UBE4B: variants seen among roughly 807,000 people sequenced by gnomAD.
UBE4B encodes the protein ubiquitin conjugation factor E4 B.
UBE4B carries 27 observed loss-of-function variants against 148.1 expected under a neutral mutation model. The observed-to-expected ratio is 0.18, with a 90% CI of 0.13 to 0.25. The LOEUF (loss-of-function observed/expected upper bound fraction) is 0.25. UBE4B is among the 10% of genes least tolerant of loss of function. The pLI, the probability that UBE4B is intolerant of heterozygous loss-of-function variation, is 1.00. For missense variants in UBE4B, 1,170 were observed against 1,662.4 expected (o/e 0.70, Z 5.15); for synonymous variants, 596 against 619.3 (o/e 0.96, Z 0.56).
At chr1:10,136,270 C>T (rs1435055558) in intron 16 of UBE4B, among the ~76,000 whole-genome samples, 1 of 151,580 alleles carries the variant, frequency 6.6e-6, no homozygotes, top group East Asian at 1.9e-4. Flanking sequence ...CCCAGGAGTT[C>T]AAGACCAGCC....
intron 25 of UBE4B, among the ~76,000 whole-genome samples, chr1:10,177,508 T>G (rs1646445591): frequency 6.6e-6 from 1 of 151,950 alleles, no homozygotes; most frequent in African/African-American, 2.4e-5. Context: ...AAATTAAAAT[T>G]AACTGGGCAT....
intron 1 of UBE4B, among the ~76,000 whole-genome samples, chr1:10,068,550 C>T (rs920793036): frequency 2.6e-5 from 4 of 151,906 alleles, no homozygotes; most frequent in South Asian, 4.1e-4. Flanking sequence ...GGGGTTTCCC[C>T]GTGTTAGTCG....
At chr1:10,138,289 G>T (rs1357547667) in intron 17 of UBE4B, among the ~76,000 whole-genome samples, 1 of 151,930 alleles carries the variant, frequency 6.6e-6, no homozygotes, top group Non-Finnish European at 1.5e-5. Context: ...AGTAGAGACG[G>T]GGTTTCACCG....
chr1:10,123,521 T>C (rs1199377625), intron 10 of UBE4B, among the ~76,000 whole-genome samples: 2 of 152,046 alleles, frequency 1.3e-5, no homozygotes, highest in African/African-American at 2.4e-5. Context: ...TAGAATACTT[T>C]TCCTATTCAA....
At chr1:10,110,527 A>G (rs950734068) in intron 7 of UBE4B, among the ~76,000 whole-genome samples, 1 of 152,162 alleles carries the variant, frequency 6.6e-6, no homozygotes, top group South Asian at 2.1e-4. Context: ...AAAATCAATA[A>G]ATCAATAAAT....
Position 10,168,016 on chromosome 1 carries a change from G to T in UBE4B, c.3199-120G>T. On this transcript the variant is annotated intron_variant, in intron 23 of 27. Transcript: ENST00000343090. This position sits in a 1 kb window ranked among gnomAD's most constrained non-coding sequence, Gnocchi z 4.9. ...CAGTTATCTGGGACATGTGGCAGGC[G>T]GTTCTGTCATTCCCTAAGCATGTTG... The T allele has an allele frequency of 1.7e-6, 2 of 1,206,696 alleles. No homozygotes were observed. The highest frequency in any genetic ancestry group is 2.2e-6 in the Non-Finnish European group (2 of 911,872). 74.7% of individuals were successfully genotyped at this position (1,206,696 alleles called of 1,614,324 possible).
At chr1:10,119,413 GC>G (rs1645374615) in intron 8 of UBE4B, 99 bp from the exon 9 acceptor site, 20 of 1,152,412 alleles carry the variant, frequency 1.7e-5, no homozygotes, top group Non-Finnish European at 2.5e-5. Flanking sequence ...AGGAAAGCAC[GC>G]TGTTTACTGA....
At chr1:10,153,237 G>A (rs1392355792) in intron 21 of UBE4B, among the ~76,000 whole-genome samples, 1 of 151,998 alleles carries the variant, frequency 6.6e-6, no homozygotes, top group African/African-American at 2.4e-5. Context: ...TGGGCACGGT[G>A]ACTCCAGCTA....
intron 18 of UBE4B, among the ~76,000 whole-genome samples, chr1:10,145,898 C>T (rs953665480): frequency 6.6e-6 from 1 of 152,150 alleles, no homozygotes; most frequent in African/African-American, 2.4e-5. Flanking sequence ...ACAAATAAAG[C>T]ATAGATAGCA....
intron 7 of UBE4B, among the ~76,000 whole-genome samples, chr1:10,111,823 G>T (rs1645227191): frequency 6.6e-6 from 1 of 152,084 alleles, no homozygotes; most frequent in Non-Finnish European, 1.5e-5. Flanking sequence ...TAGGCATGAT[G>T]GCATGTGCCT....
intron 7 of UBE4B, 31 bp from the exon 8 acceptor site, chr1:10,117,428 G>A: frequency 6.2e-7 from 1 of 1,606,200 alleles, no homozygotes; most frequent in Non-Finnish European, 8.5e-7. Context: ...CAAGAGATAA[G>A]AATCAGAATT....
In UBE4B at chr1:10,179,420, T is replaced by C; in HGVS notation, c.3705T>C (p.Pro1235=). ...YSDAPDEFRD[P]LMDTLMTDPV... ...TGCTTTGCTTTGTCCCCGCAGACCC[T>C]CTGATGGACACCCTCATGACAGACC... Residue 1235 remains proline (P), a synonymous_variant, in exon 27 of 28, where the codon CCT becomes CCC. Coordinates refer to ENST00000343090, the MANE Select transcript of UBE4B (RefSeq NM_001105562.3). 1 of 1,613,900 alleles carries C rather than the reference T, an allele frequency of 6.2e-7. No individual in the cohort carries two copies. Among genetic ancestry groups the C allele is most frequent in the South Asian group, 1.1e-5 (1 of 91,074 alleles).
chr1:10,147,884 G>A (rs1645900395), intron 19 of UBE4B, among the ~76,000 whole-genome samples: 2 of 152,136 alleles, frequency 1.3e-5, no homozygotes, highest in African/African-American at 4.8e-5. Context: ...GTTCACTGAT[G>A]TTGGTGAGAT....
rs1450948439 is a variant in UBE4B at position 10,095,710 on chromosome 1, CT to C, written c.347+116del. On this transcript the variant is annotated intron_variant, in intron 3 of 27. Coordinates refer to ENST00000343090, the MANE Select transcript of UBE4B (RefSeq NM_001105562.3). ...TGCCAGCTAGAGACCCATGCCAGTC[CT>C]TAGCAAATTAGTGTCAAATGTATTA... 99 of 1,177,644 alleles carry C rather than the reference CT, an allele frequency of 8.4e-5. No homozygotes were observed. The African/African-American group carries it at 1.4e-3, about 17-fold the overall frequency. 72.9% of individuals were successfully genotyped at this position (1,177,644 alleles called of 1,614,324 possible). A position where few individuals can be genotyped will look rare whatever the true frequency, so the allele number is the denominator to read the frequency against.
At chr1:10,153,540 G>T (rs1249712451) in intron 21 of UBE4B, among the ~76,000 whole-genome samples, 1 of 149,766 alleles carries the variant, frequency 6.7e-6, no homozygotes, top group African/African-American at 2.5e-5. Context: ...CTGGGTTTCG[G>T]CCAGGCACAG....
intron 21 of UBE4B, among the ~76,000 whole-genome samples, chr1:10,158,147 G>A (rs1476316211): frequency 6.6e-6 from 1 of 152,140 alleles, no homozygotes; most frequent in Non-Finnish European, 1.5e-5. Flanking sequence ...TTTAGGTGTT[G>A]TGTCATTGTC....
chr1:10,123,598 G>A (rs969696122), intron 10 of UBE4B, among the ~76,000 whole-genome samples: 2 of 152,048 alleles, frequency 1.3e-5, no homozygotes, highest in Admixed American at 1.3e-4. Flanking sequence ...CAGCTGAAAG[G>A]GGTATATTGA....
intron 21 of UBE4B, among the ~76,000 whole-genome samples, chr1:10,156,386 T>A (rs1416151952): frequency 6.6e-6 from 1 of 151,906 alleles, no homozygotes. Flanking sequence ...ACTGCAGGCA[T>A]GTGCCACCAC....
intron 2 of UBE4B, among the ~76,000 whole-genome samples, chr1:10,089,361 A>G (rs752164494): frequency 2.6e-5 from 4 of 152,158 alleles, no homozygotes; most frequent in East Asian, 1.9e-4. Context: ...AGTCTGCTCT[A>G]TGAAATAGAA....
Sources: allele counts gnomAD v4.1 joint callset (sites outside exome capture counted in the v4.1 genomes callset), GRCh38; gene constraint gnomAD v4.1.1; non-coding constraint Gnocchi (gnomAD v3.1); transcripts MANE v1.5; gene names NCBI Gene and HGNC (gene_info 2026-07-23, HGNC 2026-07-21).